The following AGAP1 variants were observed in gnomAD, a reference collection of about 807,000 sequenced individuals.
AGAP1 encodes the protein arf-GAP with GTPase, ANK repeat and PH domain-containing protein 1.
AGAP1 carries 29 observed loss-of-function variants against 105.3 expected under a neutral mutation model. The ratio of observed to expected loss-of-function variants is 0.28; its 90% CI spans 0.21 to 0.38. The LOEUF is 0.38. Among genes scored for constraint, AGAP1 ranks in the 10% least tolerant of loss-of-function variants. AGAP1 has a pLI of 1.00. For missense variants in AGAP1, 998 were observed against 1,165.1 expected (o/e 0.86, Z 2.09); for synonymous variants, 509 against 485.9 (o/e 1.05, Z -0.63).
At chr2:235,699,069 T>TGG (rs1950131881) in intron 1 of AGAP1, among the ~76,000 whole-genome samples, 1 of 140,444 alleles carries the variant, frequency 7.1e-6, no homozygotes, top group South Asian at 2.5e-4. Context: ...GCATCAGACA[T>TGG]CCCCCCCCCC....
At chr2:235,590,396 G>A (rs1196415022) in intron 1 of AGAP1, among the ~76,000 whole-genome samples, 2 of 152,090 alleles carry the variant, frequency 1.3e-5, no homozygotes, top group African/African-American at 4.8e-5. Context: ...CAGATTCCCG[G>A]TGTCTGCACC....
Position 235,653,293 on chromosome 2 carries a change from G to A in AGAP1, c.164-55886G>A, listed in dbSNP as rs549803583. 5.3e-5 allele frequency among the ~76,000 whole-genome samples: 8 copies of A among 151,774 alleles called. No individual in the cohort carries two copies. In the East Asian group the frequency reaches 9.9e-4, roughly 19 times the overall value. On this transcript the variant is annotated intron_variant, in intron 1 of 17. Transcript: ENST00000304032. ...ATCCTGGCTATCACGGTGAAACACT[G>A]TCTCTCCTAAAAATAAAAAAATTAG...
chr2:235,997,900 G>A (rs116531708), intron 13 of AGAP1, among the ~76,000 whole-genome samples: 1,976 of 152,104 alleles, frequency 0.013, 44 homozygotes, highest in African/African-American at 0.045. Context: ...CGTCTTCCAC[G>A]TAGCATTTCG....
In AGAP1 at chr2:235,964,701, T is replaced by G. The variant is rs1044642174; in HGVS notation, c.1484-3761T>G. 2.0e-5 allele frequency among the ~76,000 whole-genome samples: 3 copies of G among 152,194 alleles called. No individual in the cohort carries two copies. The highest frequency in any genetic ancestry group is 7.2e-5 in the African/African-American group (3 of 41,444). ...TTCCAAGATATCTATAGCTTTTATC[T>G]GATATTCAGTGGAATCTAGTATTTC... On this transcript the variant is annotated intron_variant, in intron 12 of 17. Coordinates refer to ENST00000304032, the MANE Select transcript of AGAP1 (RefSeq NM_001037131.3). The surrounding 1 kb of genome is among the most constrained non-coding windows in gnomAD (Gnocchi z 4.6).
chr2:235,587,797 G>A (rs542614867), intron 1 of AGAP1, among the ~76,000 whole-genome samples: 5 of 151,900 alleles, frequency 3.3e-5, no homozygotes, highest in African/African-American at 7.2e-5. Flanking sequence ...ACTTAAGTAC[G>A]GGCTTAAGAG....
At chr2:235,606,945 GAAAAAAAAAAAA>G (rs5839603) in intron 1 of AGAP1, among the ~76,000 whole-genome samples, 1 of 61,940 alleles carries the variant, frequency 1.6e-5, no homozygotes, top group Non-Finnish European at 3.0e-5. Context: ...ACTGCCTCTT[GAAAAAAAAAAAA>G]AAAAAAAAAA....
chr2:235,883,363 A>C lies in AGAP1; in HGVS notation c.1069A>C (p.Ser357Arg). The part of the protein sequence containing the change: ...PIKQGMLLKR[S>R]GKSLNKEWKK... ...CTTGTAGGGCATGCTGTTGAAGCGA[A>C]GTGGCAAATCGTTGAATAAAGAGTG... Residue 357 changes from serine to arginine, a missense_variant, in exon 10 of 18, where the codon AGT (serine) becomes CGT (arginine). Ser to Arg is a moderately radical substitution (Grantham distance 110). This residue lies in a region of AGAP1 where 735 missense variants were observed against 833.4 expected (regional missense o/e 0.88). Transcript: ENST00000304032. The surrounding 1 kb of genome is among the most constrained non-coding windows in gnomAD (Gnocchi z 4.5). 1.9e-6 allele frequency: 3 copies of C among 1,614,058 alleles called. No homozygotes were observed. The highest frequency in any genetic ancestry group is 2.5e-6 in the Non-Finnish European group (3 of 1,180,024).
intron 1 of AGAP1, among the ~76,000 whole-genome samples, chr2:235,697,267 C>G (rs1018437402): frequency 7.9e-5 from 12 of 152,240 alleles, no homozygotes; most frequent in African/African-American, 2.9e-4. Context: ...GAAAAGCTGC[C>G]CAGGCGTTCC....
chr2:235,730,810 A>AT (rs1951905239), intron 3 of AGAP1, among the ~76,000 whole-genome samples: 1 of 152,110 alleles, frequency 6.6e-6, no homozygotes. Context: ...GTATCGGAAG[A>AT]TTTTCAATCA....
intron 1 of AGAP1, among the ~76,000 whole-genome samples, chr2:235,674,692 A>G (rs956348684): frequency 1.4e-5 from 2 of 140,692 alleles, no homozygotes; most frequent in African/African-American, 5.7e-5. Context: ...AGGGTGATAG[A>G]CTTTTTTTTT....
rs1419964444 is a variant in AGAP1 at position 235,665,039 on chromosome 2, G to GGC, written c.164-44139_164-44138dup. 6.6e-6 allele frequency among the ~76,000 whole-genome samples: 1 copy of GGC among 152,114 alleles called. No individual in the cohort carries two copies. Among genetic ancestry groups the GGC allele is most frequent in the Non-Finnish European group, 1.5e-5 (1 of 68,032 alleles). ...CGTTCGAGACCAGCCTGGGCAACATGGCAAGACCCTCCTCTCTACAAAAAA... is the reference window on the plus strand; with the variant it reads ...CGTTCGAGACCAGCCTGGGCAACATGGCGCAAGACCCTCCTCTCTACAAAAAA... On this transcript the variant is annotated intron_variant, in intron 1 of 17. Coordinates refer to ENST00000304032, the MANE Select transcript of AGAP1 (RefSeq NM_001037131.3). This position sits in a 1 kb window ranked among gnomAD's most constrained non-coding sequence, Gnocchi z 5.3.
intron 13 of AGAP1, among the ~76,000 whole-genome samples, chr2:236,021,165 CAAAAAA>C (rs1226322235): frequency 2.6e-5 from 2 of 76,260 alleles, no homozygotes; most frequent in Non-Finnish European, 5.5e-5. Context: ...GATTCTGTCT[CAAAAAA>C]AAAAAAAAAA....
chr2:235,764,698 T>TG (rs1305227524), intron 6 of AGAP1, among the ~76,000 whole-genome samples: 2 of 73,956 alleles, frequency 2.7e-5, no homozygotes, highest in South Asian at 5.5e-4. Flanking sequence ...GCCCGTGGGG[T>TG]GGGGGCATCT....
intron 13 of AGAP1, among the ~76,000 whole-genome samples, chr2:235,969,375 A>G (rs1484212141): frequency 6.6e-6 from 1 of 152,184 alleles, no homozygotes; most frequent in Non-Finnish European, 1.5e-5. Context: ...TAACAAAGGA[A>G]TACTTAAAAG....
chr2:236,015,252 T>A (rs1317002492), intron 13 of AGAP1, among the ~76,000 whole-genome samples: 1 of 152,232 alleles, frequency 6.6e-6, no homozygotes, highest in Non-Finnish European at 1.5e-5. Context: ...GGTGTAATGA[T>A]CTGTAGCCAA....
rs1943961925 is a variant in AGAP1 at position 235,556,026 on chromosome 2, G to T, written c.163+61177G>T. ...TTGTGTTTCTGCCTGTGGGGCACGT[G>T]GGACATGTGAGGGAGAAACAGCATC... On this transcript the variant is annotated intron_variant, in intron 1 of 17. Transcript: ENST00000304032. The surrounding 1 kb of genome is among the most constrained non-coding windows in gnomAD (Gnocchi z 5.3). Among the ~76,000 whole-genome samples, 1 of 152,192 alleles carries T rather than the reference G, an allele frequency of 6.6e-6. No individual in the cohort carries two copies. Among genetic ancestry groups the T allele is most frequent in the Non-Finnish European group, 1.5e-5 (1 of 68,038 alleles).
At position 236,128,080 on chromosome 2, in the gene AGAP1, C is replaced by T. The variant is rs1317197473; in HGVS notation, c.*3958C>T. The T allele has an allele frequency of 1.3e-5, 2 of 151,402 alleles. No individual in the cohort carries two copies. Among genetic ancestry groups the T allele is most frequent in the Non-Finnish European group, 3.0e-5 (2 of 67,594 alleles). The allele number at this position is 151,402 out of a possible 1,614,324, so 9.4% of individuals were successfully genotyped here. A position where few individuals can be genotyped will look rare whatever the true frequency, so the allele number is the denominator to read the frequency against. Reference sequence around the variant, plus strand: ...TGTGATGGGCACGTTTGCCAACCCCCCCCCCCCAGTAGAGCCCAGGACCCT... The same window carrying T: ...TGTGATGGGCACGTTTGCCAACCCCTCCCCCCCAGTAGAGCCCAGGACCCT... On this transcript the variant is annotated 3_prime_UTR_variant, in exon 18 of 18. Coordinates refer to ENST00000304032, the MANE Select transcript of AGAP1 (RefSeq NM_001037131.3). The surrounding 1 kb of genome is among the most constrained non-coding windows in gnomAD (Gnocchi z 5.9).
At chr2:235,940,618 T>A (rs1559673856) in intron 12 of AGAP1, among the ~76,000 whole-genome samples, 2 of 152,230 alleles carry the variant, frequency 1.3e-5, no homozygotes, top group African/African-American at 4.8e-5. Flanking sequence ...TTACCCAGAC[T>A]TCTTGTTTTT....
chr2:235,836,735 C>T (rs1003390979), intron 9 of AGAP1, among the ~76,000 whole-genome samples: 1 of 152,118 alleles, frequency 6.6e-6, no homozygotes, highest in Non-Finnish European at 1.5e-5. Flanking sequence ...TCTCAAGGAG[C>T]GGGAGAAGAT....
Sources: allele counts gnomAD v4.1 joint callset (sites outside exome capture counted in the v4.1 genomes callset), GRCh38; gene constraint gnomAD v4.1.1; regional missense constraint gnomAD v4.1.1; non-coding constraint Gnocchi (gnomAD v3.1); transcripts MANE v1.5; gene names NCBI Gene and HGNC (gene_info 2026-07-23, HGNC 2026-07-21).